Variants in REDIC1 observed in about 807,000 individuals in gnomAD.
REDIC1 encodes the protein regulator of DNA class I crossover intermediates 1.
At chr12:39,881,655 T>C in the REDIC1 span, among the ~76,000 whole-genome samples, 1 of 152,206 alleles carries the variant, frequency 6.6e-6, no homozygotes, top group Non-Finnish European at 1.5e-5. Context: ...ACTCTTTTTC[T>C]GTGCCCTGTG....
chr12:39,853,968 A>T, the REDIC1 span, among the ~76,000 whole-genome samples: 1 of 152,150 alleles, frequency 6.6e-6, no homozygotes. Context: ...GTATTTTGTT[A>T]AAATAAAATC....
chr12:39,743,571 A>G, the REDIC1 span, among the ~76,000 whole-genome samples: 1 of 152,214 alleles, frequency 6.6e-6, no homozygotes, highest in African/African-American at 2.4e-5. Flanking sequence ...AATTTGAAAC[A>G]CTAGAAAGGC....
At chr12:39,724,399 A>T in the REDIC1 span, among the ~76,000 whole-genome samples, 2 of 152,128 alleles carry the variant, frequency 1.3e-5, no homozygotes, top group African/African-American at 2.4e-5. Context: ...GTTGGAAAAC[A>T]CTATTCCTGC....
At chr12:39,866,005 C>A in the REDIC1 span, among the ~76,000 whole-genome samples, 2 of 152,280 alleles carry the variant, frequency 1.3e-5, no homozygotes, top group South Asian at 4.1e-4. Flanking sequence ...AACGAGCCTG[C>A]ACATGTACCC....
the REDIC1 span, among the ~76,000 whole-genome samples, chr12:39,774,546 T>G: frequency 1.3e-5 from 2 of 151,808 alleles, no homozygotes; most frequent in Non-Finnish European, 2.9e-5. Context: ...GAGACCATGT[T>G]GAAAATCCTG....
chr12:39,740,979 T>TA, the REDIC1 span, among the ~76,000 whole-genome samples: 10,492 of 151,104 alleles, frequency 0.069, 1,244 homozygotes, highest in African/African-American at 0.24. Context: ...TTATTATTAT[T>TA]TTTTTGAGAT....
chr12:39,730,118 C>T, the REDIC1 span, among the ~76,000 whole-genome samples: 1 of 152,124 alleles, frequency 6.6e-6, no homozygotes, highest in Non-Finnish European at 1.5e-5. Context: ...ATCCAATTTG[C>T]CAGTCTGTGT....
At chr12:39,729,549 T>C in the REDIC1 span, among the ~76,000 whole-genome samples, 18 of 152,232 alleles carry the variant, frequency 1.2e-4, no homozygotes, top group Admixed American at 1.1e-3. Flanking sequence ...TCCATTCTTT[T>C]GCATTTGCTG....
the REDIC1 span, among the ~76,000 whole-genome samples, chr12:39,853,607 C>CT: frequency 0.014 from 1,847 of 136,110 alleles, 17 homozygotes; most frequent in African/African-American, 0.038. Context: ...TTCTTTCTTT[C>CT]TTTTTTTTTT....
chr12:39,692,133 T>G, the REDIC1 span: 6 of 1,501,160 alleles, frequency 4.0e-6, no homozygotes, highest in Non-Finnish European at 5.4e-6. Flanking sequence ...CTGTATAAGT[T>G]AATTTTACTC....
chr12:39,828,520 C>T, the REDIC1 span, among the ~76,000 whole-genome samples: 1 of 152,056 alleles, frequency 6.6e-6, no homozygotes, highest in Non-Finnish European at 1.5e-5. Flanking sequence ...GCCAAAACTC[C>T]TGCTTTGAGG....
At chr12:39,662,085 C>T in the REDIC1 span, among the ~76,000 whole-genome samples, 1 of 152,048 alleles carries the variant, frequency 6.6e-6, no homozygotes, top group Non-Finnish European at 1.5e-5. Flanking sequence ...AGTGTGATGC[C>T]TCCACCTTTG....
the REDIC1 span, among the ~76,000 whole-genome samples, chr12:39,858,861 C>T: frequency 6.6e-6 from 1 of 152,154 alleles, no homozygotes; most frequent in Non-Finnish European, 1.5e-5. Flanking sequence ...CCGCTTTGGC[C>T]TCCCAAAGTG....
chr12:39,692,022 A>G, the REDIC1 span: 2 of 1,533,508 alleles, frequency 1.3e-6, no homozygotes, highest in East Asian at 2.3e-5. Context: ...ATACTTAGGA[A>G]TTGTTAACAT....
the REDIC1 span, among the ~76,000 whole-genome samples, chr12:39,770,102 C>A: frequency 6.6e-6 from 1 of 152,012 alleles, no homozygotes; most frequent in Admixed American, 6.6e-5. Flanking sequence ...TTTTAAATTG[C>A]CTCTTCCTCT....
At chr12:39,817,830 C>T in the REDIC1 span, among the ~76,000 whole-genome samples, 161 of 152,208 alleles carry the variant, frequency 1.1e-3, no homozygotes, top group Non-Finnish European at 1.9e-3. Flanking sequence ...ACTTCAAAGA[C>T]GGTTCCTTGA....
chr12:39,865,751 T>C, the REDIC1 span, among the ~76,000 whole-genome samples: 46 of 152,200 alleles, frequency 3.0e-4, no homozygotes, highest in African/African-American at 1.0e-3. Context: ...CTGGAGGCCA[T>C]GATCTTTAGC....
the REDIC1 span, among the ~76,000 whole-genome samples, chr12:39,628,597 C>A: frequency 2.6e-5 from 4 of 152,102 alleles, no homozygotes; most frequent in Non-Finnish European, 5.9e-5. Flanking sequence ...CAGAACAATT[C>A]CAGAGCCTTC....
the REDIC1 span, among the ~76,000 whole-genome samples, chr12:39,686,935 C>T: frequency 2.0e-3 from 308 of 152,328 alleles, 3 homozygotes; most frequent in South Asian, 0.024. Context: ...CAGAGTTCCA[C>T]AGATCCCTAG....
Sources: allele counts gnomAD v4.1 joint callset (sites outside exome capture counted in the v4.1 genomes callset), GRCh38; gene constraint gnomAD v4.1.1; transcripts MANE v1.5; gene names NCBI Gene and HGNC (gene_info 2026-07-23, HGNC 2026-07-21).